The following SMURF1 variants were observed in gnomAD, a reference collection of about 807,000 sequenced individuals.
SMURF1 encodes the protein SMAD specific E3 ubiquitin protein ligase 1.
In SMURF1, 44 loss-of-function variants were observed where a neutral mutation model predicts 98.0. That is an observed-to-expected ratio of 0.45 (90% CI 0.35 to 0.58). The LOEUF is 0.58. Among genes scored for constraint, SMURF1 ranks in the 20% least tolerant of loss-of-function variants. The pLI, the probability that SMURF1 is intolerant of heterozygous loss-of-function variation, is 0.00. For synonymous variants in SMURF1, 396 were observed against 374.9 expected (o/e 1.06, Z -0.65); for missense variants, 687 against 938.4 (o/e 0.73, Z 3.50).
intron 1 of SMURF1, among the ~76,000 whole-genome samples, chr7:99,140,705 G>C (rs375116669): frequency 6.6e-6 from 1 of 152,098 alleles, no homozygotes; most frequent in African/African-American, 2.4e-5. Flanking sequence ...CGTGAGCCAC[G>C]GCGCCAGGCC....
chr7:99,141,403 C>T (rs1234490430), intron 1 of SMURF1, among the ~76,000 whole-genome samples: 1 of 152,210 alleles, frequency 6.6e-6, no homozygotes, highest in African/African-American at 2.4e-5. Flanking sequence ...TGAAACCAAT[C>T]TGATGTCAAT....
At chr7:99,089,346 AAAAAC>A (rs1212023859) in intron 1 of SMURF1, among the ~76,000 whole-genome samples, 6 of 152,012 alleles carry the variant, frequency 3.9e-5, no homozygotes, top group South Asian at 4.2e-4. Flanking sequence ...TTTTTATTTT[AAAAAC>A]TGTATTTTAA....
At chr7:99,112,452 A>G (rs1797345951) in intron 1 of SMURF1, among the ~76,000 whole-genome samples, 1 of 152,220 alleles carries the variant, frequency 6.6e-6, no homozygotes, top group Non-Finnish European at 1.5e-5. Flanking sequence ...CAGACTTCAC[A>G]AAATTAGTTC....
At chr7:99,118,246 C>A (rs1797507215) in intron 1 of SMURF1, among the ~76,000 whole-genome samples, 1 of 152,088 alleles carries the variant, frequency 6.6e-6, no homozygotes, top group African/African-American at 2.4e-5. Context: ...GTTTGGCAGT[C>A]CCTCAAAATT....
intron 17 of SMURF1, 106 bp downstream of exon 17, chr7:99,032,930 AT>A (rs1794966435): frequency 8.1e-7 from 1 of 1,238,714 alleles, no homozygotes; most frequent in Non-Finnish European, 1.1e-6. Flanking sequence ...TGACAAAAAT[AT>A]TTTGGCAGAG....
rs1482699948 is a variant in SMURF1, at chr7:99,063,261, A to T, written c.56-1424T>A. On this transcript the variant is annotated intron_variant, in intron 1 of 17. Transcript: ENST00000361368. ...TTTATTTATATATATATATATATAT[A>T]TATATATATATATATATATATATAT... Among the ~76,000 whole-genome samples the T allele has an allele frequency of 1.2e-3, 8 of 6,938 alleles. 1 individual carries two copies. Among genetic ancestry groups the T allele is most frequent in the East Asian group, 3.7e-3 (1 of 272 alleles). 4.6% of individuals were successfully genotyped at this position (6,938 alleles called of 152,430 possible).
chr7:99,094,915 C>G (rs944175642), intron 1 of SMURF1, among the ~76,000 whole-genome samples: 2 of 152,134 alleles, frequency 1.3e-5, no homozygotes, highest in Admixed American at 1.3e-4. Flanking sequence ...CCAGAGGCTC[C>G]CTCAGTTTGG....
At chr7:99,084,676 C>T (rs1796641612) in intron 1 of SMURF1, among the ~76,000 whole-genome samples, 1 of 152,128 alleles carries the variant, frequency 6.6e-6, no homozygotes, top group South Asian at 2.1e-4. Context: ...AGCCACCGCA[C>T]CCAGCCGACT....
At chr7:99,070,320 C>T in intron 1 of SMURF1, among the ~76,000 whole-genome samples, 1 of 152,154 alleles carries the variant, frequency 6.6e-6, no homozygotes, top group African/African-American at 2.4e-5. Flanking sequence ...CTTTCTAGTC[C>T]AGAAAGCTCT....
chr7:99,042,730 A>G (rs767498084), intron 11 of SMURF1, among the ~76,000 whole-genome samples: 1 of 152,248 alleles, frequency 6.6e-6, no homozygotes, highest in Non-Finnish European at 1.5e-5. Flanking sequence ...CAGCCCTTAG[A>G]CAAACACCTG....
intron 1 of SMURF1, among the ~76,000 whole-genome samples, chr7:99,067,888 AG>A (rs1796233722): frequency 6.6e-6 from 1 of 152,076 alleles, no homozygotes; most frequent in Non-Finnish European, 1.5e-5. Flanking sequence ...TGGGAGGTGG[AG>A]GTTGCAGTGA....
intron 1 of SMURF1, among the ~76,000 whole-genome samples, chr7:99,075,313 A>G (rs566226206): frequency 1.3e-5 from 2 of 152,004 alleles, no homozygotes; most frequent in African/African-American, 2.4e-5. Context: ...GTACAGCTGG[A>G]ATCTCAGTCT....
intron 1 of SMURF1, among the ~76,000 whole-genome samples, chr7:99,138,531 G>T (rs559638856): frequency 7.2e-5 from 11 of 152,074 alleles, no homozygotes; most frequent in Non-Finnish European, 1.5e-4. Context: ...AAAATGTGTG[G>T]AAGAGAAAGA....
At chr7:99,139,283 A>G (rs972031056) in intron 1 of SMURF1, among the ~76,000 whole-genome samples, 3 of 152,214 alleles carry the variant, frequency 2.0e-5, no homozygotes, top group Non-Finnish European at 4.4e-5. Context: ...CAATTTTAAA[A>G]ACAACCTCAT....
At chr7:99,047,953 G>A (rs763983525) in intron 9 of SMURF1, 71 bp from the exon 10 acceptor site, 71 of 1,410,032 alleles carry the variant, frequency 5.0e-5, no homozygotes, top group African/African-American at 8.4e-5. Context: ...CCACGTACGC[G>A]ACAGGGTCAG....
intron 1 of SMURF1, among the ~76,000 whole-genome samples, chr7:99,132,483 T>C (rs760960128): frequency 1.3e-5 from 2 of 152,100 alleles, no homozygotes; most frequent in Non-Finnish European, 2.9e-5. Flanking sequence ...AGATGGATGA[T>C]GGGAGAATAA....
At chr7:99,065,429 T>C (rs1156826487) in intron 1 of SMURF1, among the ~76,000 whole-genome samples, 2 of 152,202 alleles carry the variant, frequency 1.3e-5, no homozygotes, top group African/African-American at 4.8e-5. Context: ...ACATTTCTCT[T>C]TGGGTGGATT....
At chr7:99,032,959 AAC>A in intron 17 of SMURF1, 76 bp downstream of exon 17, 2 of 1,495,156 alleles carry the variant, frequency 1.3e-6, no homozygotes, top group Non-Finnish European at 1.8e-6. Context: ...CTCAAAAAAA[AAC>A]AACAAAAAAA....
At chr7:99,112,912 G>C (rs967962429) in intron 1 of SMURF1, among the ~76,000 whole-genome samples, 3 of 152,056 alleles carry the variant, frequency 2.0e-5, no homozygotes, top group African/African-American at 7.2e-5. Flanking sequence ...GATTTGAACA[G>C]GTAAAAAATG....
Sources: allele counts gnomAD v4.1 joint callset (sites outside exome capture counted in the v4.1 genomes callset), GRCh38; gene constraint gnomAD v4.1.1; transcripts MANE v1.5; gene names NCBI Gene and HGNC (gene_info 2026-07-23, HGNC 2026-07-21).